The following PLD5 variants were observed in gnomAD, a reference collection of about 807,000 sequenced individuals.
The protein encoded by PLD5 is inactive phospholipase D5.
A neutral mutation model predicts 61.1 loss-of-function variants in PLD5; 36 were observed. The ratio of observed to expected loss-of-function variants is 0.59; its 90% confidence interval spans 0.45 to 0.78. The LOEUF (loss-of-function observed/expected upper bound fraction) is 0.78. Among genes scored for constraint, PLD5 ranks in the 30% least tolerant of loss-of-function variants. The pLI is 0.00. For synonymous variants in PLD5, 243 were observed against 242.8 expected (o/e 1.00, Z -0.01); for missense variants, 515 against 644.4 (o/e 0.80, Z 2.17).
At chr1:242,299,451 G>C (rs12081106) in intron 2 of PLD5, among the ~76,000 whole-genome samples, 2,784 of 152,276 alleles carry the variant, frequency 0.018, 89 homozygotes, top group African/African-American at 0.064. Context: ...GAGACACAAG[G>C]AACTTAAGTA....
At position 242,293,619 on chromosome 1, in the gene PLD5, G is replaced by T. The variant is rs140622277; in HGVS notation, c.327-5089C>A. On this transcript the variant is annotated intron_variant, in intron 2 of 9. Coordinates refer to ENST00000536534, the MANE Select transcript of PLD5 (RefSeq NM_001372062.1). ...GGGGTCTTAGAACACATCCTCTGAG[G>T]ATAAGTAGGGACTACTGTATTACCG... is the stretch of plus-strand genomic sequence containing the variant. 2.3e-3 allele frequency among the ~76,000 whole-genome samples: 350 copies of T among 152,236 alleles called. 2 individuals carry two copies. The East Asian group carries it at 0.036, about 16-fold the overall frequency.
chr1:242,300,686 G>A (rs865991491), intron 2 of PLD5, among the ~76,000 whole-genome samples: 2 of 151,988 alleles, frequency 1.3e-5, no homozygotes, highest in Admixed American at 6.6e-5. Context: ...GGACAGGGGT[G>A]GAACATGATC....
chr1:242,422,304 A>T (rs1395889898), intron 1 of PLD5, among the ~76,000 whole-genome samples: 1 of 152,182 alleles, frequency 6.6e-6, no homozygotes, highest in Non-Finnish European at 1.5e-5. Flanking sequence ...TACCCCATCT[A>T]TCAGAAAGCT....
chr1:242,268,441 T>C lies in PLD5; in HGVS notation c.496-2993A>G, dbSNP rs190908448. 3.7e-4 allele frequency among the ~76,000 whole-genome samples: 56 copies of C among 152,334 alleles called. 1 individual carries two copies. The highest frequency in any genetic ancestry group is 2.0e-3 in the Admixed American group (30 of 15,312). On this transcript the variant is annotated intron_variant, in intron 3 of 9. Coordinates refer to ENST00000536534, the MANE Select transcript of PLD5 (RefSeq NM_001372062.1). ...TAACTTATCTGTATTTCTGGCTCTG[T>C]GACTTAAATTGATTTCCACTGTGTT...
intron 4 of PLD5, among the ~76,000 whole-genome samples, chr1:242,244,592 A>T (rs924082820): frequency 5.9e-5 from 9 of 152,340 alleles, no homozygotes; most frequent in Admixed American, 4.6e-4. Flanking sequence ...GAGGATGGAT[A>T]TGTGTAACCA....
At chr1:242,398,490 A>G (rs1312398612) in intron 1 of PLD5, among the ~76,000 whole-genome samples, 1 of 152,178 alleles carries the variant, frequency 6.6e-6, no homozygotes, top group African/African-American at 2.4e-5. Flanking sequence ...AACCTTCATA[A>G]CCACCTCCAG....
chr1:242,191,921 A>G (rs1159036710), intron 5 of PLD5, among the ~76,000 whole-genome samples: 4 of 152,098 alleles, frequency 2.6e-5, no homozygotes, highest in Non-Finnish European at 5.9e-5. Flanking sequence ...AAAGAGTGAG[A>G]CAGAAAAGAA....
intron 1 of PLD5, among the ~76,000 whole-genome samples, chr1:242,375,651 A>C (rs527531433): frequency 6.6e-6 from 1 of 152,358 alleles, no homozygotes; most frequent in South Asian, 2.1e-4. Flanking sequence ...TAAATACAAG[A>C]TATAAAATGC....
At chr1:242,433,505 G>C (rs1156856045) in intron 1 of PLD5, among the ~76,000 whole-genome samples, 8 of 152,080 alleles carry the variant, frequency 5.3e-5, no homozygotes, top group Non-Finnish European at 1.2e-4. Flanking sequence ...ATATATTGAG[G>C]ATATTGTTCT....
At chr1:242,205,957 C>G (rs756212735) in intron 5 of PLD5, among the ~76,000 whole-genome samples, 2 of 152,162 alleles carry the variant, frequency 1.3e-5, no homozygotes, top group Non-Finnish European at 2.9e-5. Context: ...AGGCTATGAC[C>G]TCAACTGCAG....
chr1:242,489,051 G>A (rs905134606), intron 1 of PLD5, among the ~76,000 whole-genome samples: 5 of 152,128 alleles, frequency 3.3e-5, no homozygotes, highest in African/African-American at 1.2e-4. Flanking sequence ...ATTGACATCT[G>A]CACCAATATG....
At chr1:242,388,131 G>T (rs1247055380) in intron 1 of PLD5, among the ~76,000 whole-genome samples, 3 of 152,198 alleles carry the variant, frequency 2.0e-5, no homozygotes, top group African/African-American at 7.2e-5. Context: ...TCTCTGGGTT[G>T]TCGTCTTCTC....
chr1:242,373,297 A>G (rs1157132044), intron 1 of PLD5, among the ~76,000 whole-genome samples: 2 of 152,186 alleles, frequency 1.3e-5, no homozygotes, highest in Non-Finnish European at 2.9e-5. Context: ...AAGTCAGGAA[A>G]CAACAGGTGC....
chr1:242,490,203 A>C (rs1668100069), intron 1 of PLD5, among the ~76,000 whole-genome samples: 1 of 152,138 alleles, frequency 6.6e-6, no homozygotes, highest in South Asian at 2.1e-4. Context: ...AGTCTCTGTT[A>C]GGTTTGGGTC....
intron 1 of PLD5, among the ~76,000 whole-genome samples, chr1:242,386,922 G>T (rs1296240660): frequency 6.6e-6 from 1 of 152,106 alleles, no homozygotes; most frequent in Non-Finnish European, 1.5e-5. Context: ...AATGGGTTTT[G>T]TTAAATCAAT....
In PLD5 at chr1:242,524,237, G is replaced by T. The variant is rs1346672900; in HGVS notation, c.40C>A (p.His14Asn). Residue 14 changes from histidine to asparagine, a missense_variant, in exon 1 of 10, where the codon CAT becomes AAT. Transcript: ENST00000536534. ...RQHEWLSASP[H>N]EGFEQMRLKS... is the part of the protein sequence containing the mutation. ...AGCCTCATCTGCTCGAAGCCCTCATGGGGGGAGGCCGAGAGCCACTCGTGC... is the reference window on the plus strand; with the variant it reads ...AGCCTCATCTGCTCGAAGCCCTCATTGGGGGAGGCCGAGAGCCACTCGTGC... 9 of 1,513,182 alleles carry T rather than the reference G, an allele frequency of 5.9e-6. No individual in the cohort carries two copies. Among genetic ancestry groups the T allele is most frequent in the South Asian group, 4.8e-5 (4 of 82,602 alleles). The allele number at this position is 1,513,182 out of a possible 1,614,324, so 93.7% of individuals were successfully genotyped here.
chr1:242,422,850 T>C (rs1272485657), intron 1 of PLD5, among the ~76,000 whole-genome samples: 14 of 65,278 alleles, frequency 2.1e-4, no homozygotes, highest in Admixed American at 4.6e-4. Context: ...TTCTCTCTTT[T>C]TTTTTTTTTT....
intron 2 of PLD5, among the ~76,000 whole-genome samples, chr1:242,315,149 C>T (rs1183976533): frequency 1.3e-5 from 2 of 152,146 alleles, no homozygotes; most frequent in Non-Finnish European, 2.9e-5. Context: ...TGTTTAGCCT[C>T]TGCAGTGGGG....
chr1:242,275,122 T>C (rs2149118588), intron 3 of PLD5, among the ~76,000 whole-genome samples: 1 of 152,232 alleles, frequency 6.6e-6, no homozygotes, highest in East Asian at 1.9e-4. Context: ...ATATAACTGA[T>C]TGAACATATT....
Sources: allele counts gnomAD v4.1 joint callset (sites outside exome capture counted in the v4.1 genomes callset), GRCh38; gene constraint gnomAD v4.1.1; transcripts MANE v1.5; gene names NCBI Gene and HGNC (gene_info 2026-07-23, HGNC 2026-07-21).